NRG3: variants seen among roughly 807,000 people sequenced by gnomAD.
NRG3 encodes the protein neuregulin 3.
NRG3 carries 31 observed loss-of-function variants against 66.9 expected under a neutral mutation model. The observed-to-expected ratio is 0.46, with a 90% CI of 0.35 to 0.63. The LOEUF (loss-of-function observed/expected upper bound fraction) is 0.63, where lower values mean the gene tolerates loss of function less well. NRG3 is among the 20% of genes least tolerant of loss of function. The pLI is 0.00. For missense variants in NRG3, 910 were observed against 878.9 expected (o/e 1.04, Z -0.45); for synonymous variants, 393 against 359.4 (o/e 1.09, Z -1.06).
chr10:82,915,310 A>G (rs1253334058), intron 4 of NRG3, among the ~76,000 whole-genome samples: 1 of 152,168 alleles, frequency 6.6e-6, no homozygotes. Context: ...TTTTGGGAGG[A>G]TAACAGCAAT....
chr10:82,570,122 A>C (rs1272330184), intron 2 of NRG3, among the ~76,000 whole-genome samples: 1 of 151,666 alleles, frequency 6.6e-6, no homozygotes, highest in Non-Finnish European at 1.5e-5. Context: ...CCTTCCAAGG[A>C]AATACTTTCT....
chr10:82,267,751 C>G (rs2078376682), intron 1 of NRG3, among the ~76,000 whole-genome samples: 1 of 152,212 alleles, frequency 6.6e-6, no homozygotes, highest in African/African-American at 2.4e-5. Flanking sequence ...CTAATGGAAA[C>G]CTATTACTCA....
chr10:81,966,696 G>C (rs984828465), intron 1 of NRG3, among the ~76,000 whole-genome samples: 10 of 151,988 alleles, frequency 6.6e-5, no homozygotes. Flanking sequence ...ATCAGTGCAG[G>C]CTTGATTTCT....
chr10:82,641,752 A>T (rs10749058), intron 2 of NRG3, among the ~76,000 whole-genome samples: 1 of 151,936 alleles, frequency 6.6e-6, no homozygotes, highest in African/African-American at 2.4e-5. Context: ...CTGTTTACCA[A>T]TGCAGGATGC....
chr10:82,866,979 A>G (rs1889134), intron 4 of NRG3, among the ~76,000 whole-genome samples: 5,739 of 152,088 alleles, frequency 0.038, 322 homozygotes, highest in African/African-American at 0.13. Context: ...GGACAGAGAG[A>G]AAAAAAATGT....
chr10:82,513,882 G>T (rs1449369538), intron 2 of NRG3, among the ~76,000 whole-genome samples: 1 of 152,124 alleles, frequency 6.6e-6, no homozygotes, highest in Non-Finnish European at 1.5e-5. Flanking sequence ...ATTCTGACTG[G>T]CATGAGATGA....
At chr10:82,432,508 A>C (rs2089886816) in intron 2 of NRG3, among the ~76,000 whole-genome samples, 2 of 151,986 alleles carry the variant, frequency 1.3e-5, no homozygotes, top group Non-Finnish European at 2.9e-5. Flanking sequence ...AAAAAAAAAA[A>C]AAAAAACAGG....
At chr10:81,945,936 C>T (rs889377459) in intron 1 of NRG3, among the ~76,000 whole-genome samples, 5 of 152,064 alleles carry the variant, frequency 3.3e-5, no homozygotes, top group Admixed American at 1.3e-4. Flanking sequence ...AGGAAACCAC[C>T]GGAAGCTAGG....
At chr10:82,482,104 A>G (rs1464332803) in intron 2 of NRG3, among the ~76,000 whole-genome samples, 1 of 152,184 alleles carries the variant, frequency 6.6e-6, no homozygotes, top group East Asian at 1.9e-4. Flanking sequence ...AACATATACA[A>G]ATAGGAAATA....
chr10:82,048,155 C>G lies in NRG3; in HGVS notation c.823+171992C>G, dbSNP rs2063401753. Among the ~76,000 whole-genome samples, 6 of 152,070 alleles carry G rather than the reference C, an allele frequency of 3.9e-5. No homozygotes were observed. The South Asian group carries it at 1.2e-3, about 32-fold the overall frequency. On this transcript the variant is annotated intron_variant, in intron 1 of 8. Transcript: ENST00000372141. ...ACTCCCACACAATAATAATGGGAGACTTTAACACCCCACTGTCAACATTAG... is the reference window on the plus strand; with the variant it reads ...ACTCCCACACAATAATAATGGGAGAGTTTAACACCCCACTGTCAACATTAG...
chr10:82,843,342 C>CT (rs1005936874), intron 3 of NRG3: 6 of 400,464 alleles, frequency 1.5e-5, no homozygotes, highest in African/African-American at 1.0e-4. Context: ...CTGATCCTCT[C>CT]TGCCCTTCCT....
chr10:82,709,612 C>T (rs1330994212), intron 2 of NRG3, among the ~76,000 whole-genome samples: 3 of 152,058 alleles, frequency 2.0e-5, no homozygotes, highest in African/African-American at 7.2e-5. Flanking sequence ...ATCTCTTGAC[C>T]TCATGATCCC....
At chr10:82,854,469 G>A (rs1000261485) in intron 3 of NRG3, among the ~76,000 whole-genome samples, 5 of 152,108 alleles carry the variant, frequency 3.3e-5, no homozygotes, top group African/African-American at 1.2e-4. Context: ...ATTTTTTGTT[G>A]TTTAATCTTT....
intron 8 of NRG3, among the ~76,000 whole-genome samples, chr10:82,982,968 A>C (rs1333129309): frequency 1.3e-5 from 2 of 152,204 alleles, no homozygotes; most frequent in Non-Finnish European, 2.9e-5. Context: ...AAGAACCCTC[A>C]AAGTTTGGCG....
chr10:82,915,896 A>G (rs538220574), intron 4 of NRG3, among the ~76,000 whole-genome samples: 6 of 152,286 alleles, frequency 3.9e-5, no homozygotes, highest in Admixed American at 3.9e-4. Flanking sequence ...AAATTCAACA[A>G]ACGTTTATTT....
chr10:82,843,787 A>G (rs1359078239), intron 3 of NRG3, among the ~76,000 whole-genome samples: 1 of 152,208 alleles, frequency 6.6e-6, no homozygotes, highest in Non-Finnish European at 1.5e-5. Context: ...AAGTAGCAAT[A>G]TTAATGAGCA....
intron 1 of NRG3, among the ~76,000 whole-genome samples, chr10:82,340,565 T>G (rs2082634129): frequency 6.6e-6 from 1 of 152,220 alleles, no homozygotes; most frequent in African/African-American, 2.4e-5. Context: ...AAGTGAGTGA[T>G]ATTCATTTTC....
At chr10:82,384,896 C>T (rs2085876673) in intron 2 of NRG3, among the ~76,000 whole-genome samples, 1 of 152,232 alleles carries the variant, frequency 6.6e-6, no homozygotes. Context: ...CTCCCACCAA[C>T]AGTGTAAAAA....
chr10:82,326,526 A>G (rs1271018833), intron 1 of NRG3, among the ~76,000 whole-genome samples: 5 of 152,048 alleles, frequency 3.3e-5, no homozygotes, highest in Non-Finnish European at 7.4e-5. Flanking sequence ...CTACTTCTAC[A>G]TATGTTATAT....
Sources: allele counts gnomAD v4.1 joint callset (sites outside exome capture counted in the v4.1 genomes callset), GRCh38; gene constraint gnomAD v4.1.1; transcripts MANE v1.5; gene names NCBI Gene and HGNC (gene_info 2026-07-23, HGNC 2026-07-21).